Variants in PTPRD observed in about 807,000 individuals in gnomAD.
The protein encoded by PTPRD is receptor-type tyrosine-protein phosphatase delta.
A neutral mutation model predicts 214.5 loss-of-function variants in PTPRD; 34 were observed. The ratio of observed to expected loss-of-function variants is 0.16; its 90% CI spans 0.12 to 0.21. The LOEUF (loss-of-function observed/expected upper bound fraction) is 0.21. Ranked by LOEUF, PTPRD falls within the 10% of genes least tolerant of loss-of-function variation. The probability of loss-of-function intolerance (pLI) is 1.00; values close to 1 mark genes in which losing one functional copy is unlikely to be tolerated. For missense variants in PTPRD, 2,545 were observed against 2,398.7 expected (o/e 1.06, Z -1.27); for synonymous variants, 1,128 against 845.7 (o/e 1.33, Z -5.79).
At chr9:8,338,716 C>CAAACT (rs1245045766) in intron 43 of PTPRD, among the ~76,000 whole-genome samples, 1 of 151,744 alleles carries the variant, frequency 6.6e-6, no homozygotes, top group East Asian at 1.9e-4. Context: ...GAATGAAAGC[C>CAAACT]AAACTAAGGT....
Position 8,558,630 on chromosome 9 carries a change from CCAGA to C in PTPRD, c.353-29855_353-29852del, listed in dbSNP as rs1183669342. 2.0e-5 allele frequency among the ~76,000 whole-genome samples: 3 copies of C among 152,172 alleles called. No homozygotes were observed. In the East Asian group the frequency reaches 5.8e-4, roughly 29 times the overall value. On this transcript the variant is annotated intron_variant, in intron 14 of 45. Transcript: ENST00000381196. ...TGGCAGGCCAGATGAAGCCTAGAACCCAGACAGTCAACGGGCTTGGGCTATTGTA... is the reference window on the plus strand; with the variant it reads ...TGGCAGGCCAGATGAAGCCTAGAACCCAGTCAACGGGCTTGGGCTATTGTA...
intron 3 of PTPRD, among the ~76,000 whole-genome samples, chr9:10,294,220 G>C (rs1488083932): frequency 6.6e-6 from 1 of 151,882 alleles, no homozygotes; most frequent in Non-Finnish European, 1.5e-5. Context: ...GAGTAAGAGA[G>C]ATACCAGCCA....
intron 14 of PTPRD, among the ~76,000 whole-genome samples, chr9:8,564,009 A>C (rs1173726873): frequency 6.6e-6 from 1 of 152,168 alleles, no homozygotes; most frequent in Non-Finnish European, 1.5e-5. Flanking sequence ...AAAGCAATAC[A>C]TATTGAGTAG....
chr9:9,498,659 T>TG (rs1175116198), intron 8 of PTPRD, among the ~76,000 whole-genome samples: 1 of 152,082 alleles, frequency 6.6e-6, no homozygotes, highest in East Asian at 1.9e-4. Flanking sequence ...AAATATTTAT[T>TG]GGGGTAAATT....
intron 2 of PTPRD, among the ~76,000 whole-genome samples, chr9:10,485,630 T>C (rs2099127769): frequency 6.6e-6 from 1 of 152,116 alleles, no homozygotes; most frequent in Non-Finnish European, 1.5e-5. Flanking sequence ...TTATTGTCAA[T>C]GAAATTTTTA....
intron 12 of PTPRD, among the ~76,000 whole-genome samples, chr9:8,677,619 T>C (rs1254823073): frequency 1.3e-5 from 2 of 152,100 alleles, no homozygotes; most frequent in Non-Finnish European, 2.9e-5. Flanking sequence ...TGGCACACAA[T>C]TTATCTATAT....
At chr9:9,783,709 C>T (rs915946387) in intron 5 of PTPRD, among the ~76,000 whole-genome samples, 2 of 152,020 alleles carry the variant, frequency 1.3e-5, no homozygotes, top group Non-Finnish European at 2.9e-5. Flanking sequence ...CCTCCCCTCC[C>T]AAGCCTTATT....
intron 12 of PTPRD, among the ~76,000 whole-genome samples, chr9:8,697,967 C>T (rs2097962623): frequency 1.3e-5 from 2 of 152,154 alleles, no homozygotes; most frequent in African/African-American, 2.4e-5. Context: ...CCATGGGAGG[C>T]TCTAAACTTC....
intron 9 of PTPRD, among the ~76,000 whole-genome samples, chr9:9,232,124 G>A (rs967226652): frequency 6.6e-6 from 1 of 152,174 alleles, no homozygotes; most frequent in Non-Finnish European, 1.5e-5. Context: ...GAATAAATAA[G>A]TTGAGATCCT....
At chr9:8,940,464 G>T (rs5001118) in intron 11 of PTPRD, among the ~76,000 whole-genome samples, 47,050 of 101,124 alleles carry the variant, frequency 0.47, 8,765 homozygotes, top group East Asian at 0.67. Context: ...TTTTTTTTTT[G>T]GTATTTTTAA....
chr9:10,356,623 A>T (rs2097282938), intron 2 of PTPRD, among the ~76,000 whole-genome samples: 1 of 152,140 alleles, frequency 6.6e-6, no homozygotes, highest in African/African-American at 2.4e-5. Flanking sequence ...TTTTTCCTAA[A>T]TTGTGAGTAG....
intron 10 of PTPRD, among the ~76,000 whole-genome samples, chr9:9,174,834 C>T (rs553251073): frequency 6.6e-6 from 1 of 151,292 alleles, no homozygotes; most frequent in African/African-American, 2.4e-5. Flanking sequence ...TTTTTAAGAC[C>T]GTGAGATTTG....
chr9:9,863,164 G>A (rs1160337898), intron 5 of PTPRD, among the ~76,000 whole-genome samples: 1 of 152,110 alleles, frequency 6.6e-6, no homozygotes, highest in Non-Finnish European at 1.5e-5. Context: ...TTGAAAAGCT[G>A]ACAACAGTCC....
intron 3 of PTPRD, among the ~76,000 whole-genome samples, chr9:10,034,201 T>G (rs1424453775): frequency 1.3e-5 from 2 of 152,056 alleles, no homozygotes; most frequent in African/African-American, 4.8e-5. Context: ...AATTTGTTGA[T>G]TAACCACAAA....
intron 9 of PTPRD, among the ~76,000 whole-genome samples, chr9:9,376,782 A>G (rs117226175): frequency 2.2e-3 from 338 of 152,278 alleles, no homozygotes; most frequent in Non-Finnish European, 4.5e-3. Context: ...TCACAGTCTC[A>G]GGATGAAAAA....
chr9:9,221,829 T>C (rs1040367133), intron 9 of PTPRD, among the ~76,000 whole-genome samples: 1 of 152,004 alleles, frequency 6.6e-6, no homozygotes, highest in Non-Finnish European at 1.5e-5. Context: ...TGATACAAGA[T>C]TACGGCATGA....
chr9:9,419,277 C>A (rs996412791), intron 8 of PTPRD, among the ~76,000 whole-genome samples: 14 of 150,354 alleles, frequency 9.3e-5, no homozygotes, highest in Non-Finnish European at 2.1e-4. Context: ...ATAATATATT[C>A]AGATAATTAA....
intron 5 of PTPRD, among the ~76,000 whole-genome samples, chr9:9,813,401 C>CAAAAG (rs1286126225): frequency 7.3e-5 from 11 of 151,414 alleles, no homozygotes; most frequent in South Asian, 6.2e-4. Flanking sequence ...AAAAATAGAA[C>CAAAAG]AAAAGACAGA....
At chr9:8,358,019 A>G (rs2077412452) in intron 39 of PTPRD, among the ~76,000 whole-genome samples, 1 of 152,100 alleles carries the variant, frequency 6.6e-6, no homozygotes, top group South Asian at 2.1e-4. Flanking sequence ...GTCTATACAT[A>G]CAGATCATTA....
Sources: allele counts gnomAD v4.1 joint callset (sites outside exome capture counted in the v4.1 genomes callset), GRCh38; gene constraint gnomAD v4.1.1; transcripts MANE v1.5; gene names NCBI Gene and HGNC (gene_info 2026-07-23, HGNC 2026-07-21).